The following ZDHHC11B variants were observed in gnomAD, a reference collection of about 807,000 sequenced individuals.
ZDHHC11B encodes the protein probable palmitoyltransferase ZDHHC11B.
In ZDHHC11B, 17 loss-of-function variants were observed where a neutral mutation model predicts 42.3. That is an observed-to-expected ratio of 0.40 (90% CI 0.27 to 0.60). The LOEUF (loss-of-function observed/expected upper bound fraction) is 0.60. Among genes scored for constraint, ZDHHC11B ranks in the 20% least tolerant of loss-of-function variants. The pLI is 0.41. For synonymous variants in ZDHHC11B, 123 were observed against 193.5 expected (o/e 0.64, Z 3.02); for missense variants, 262 against 463.2 (o/e 0.57, Z 3.99).
intron 7 of ZDHHC11B, 99 bp downstream of exon 7, chr5:751,034 C>G: frequency 6.1e-6 from 5 of 824,320 alleles, no homozygotes; most frequent in Admixed American, 4.6e-5. Flanking sequence ...CCGGCCTCTC[C>G]CTGGGACAAG....
In ZDHHC11B at chr5:763,973, T is replaced by C. The variant is rs145074722; in HGVS notation, c.222+2725A>G. ...CACCTGCGGGTCCGCTTGACTGTAC[T>C]CTCTACCTCTATAAACTGAAAGACG... is the stretch of plus-strand genomic sequence containing the variant. On this transcript the variant is annotated intron_variant, in intron 4 of 13. Transcript: ENST00000508859. Among the ~76,000 whole-genome samples, 1,020 of 151,832 alleles carry C rather than the reference T, an allele frequency of 6.7e-3. 25 individuals carry two copies. The highest frequency in any genetic ancestry group is 0.028 in the Middle Eastern group (8 of 290).
rs1173978718 is a variant in ZDHHC11B, at chr5:710,659, C to G, written c.*1631G>C. 3 of 153,946 alleles carry G rather than the reference C, an allele frequency of 1.9e-5. No homozygotes were observed. Among genetic ancestry groups the G allele is most frequent in the Admixed American group, 1.3e-4 (2 of 15,000 alleles). 9.5% of individuals were successfully genotyped at this position (153,946 alleles called of 1,614,324 possible). On this transcript the variant is annotated 3_prime_UTR_variant, in exon 14 of 14. Transcript: ENST00000508859. ...AGTACTGTGCTCCCATTTCTCAGTA[C>G]TGTGCTCCCATTTCCCAGCACTATG...
At chr5:772,420 G>A (rs1218109949) in intron 1 of ZDHHC11B, among the ~76,000 whole-genome samples, 27 of 151,466 alleles carry the variant, frequency 1.8e-4, no homozygotes, top group East Asian at 7.8e-4. Context: ...GCCTTCAAAC[G>A]TTCTGAGGAA....
chr5:759,840 C>T (rs533961920), intron 4 of ZDHHC11B, among the ~76,000 whole-genome samples: 23 of 151,998 alleles, frequency 1.5e-4, no homozygotes, highest in Middle Eastern at 3.4e-3. Flanking sequence ...TTCCCAGAGC[C>T]GCCCGGGTCC....
intron 4 of ZDHHC11B, among the ~76,000 whole-genome samples, chr5:759,303 T>C (rs1320408256): frequency 6.6e-6 from 1 of 151,916 alleles, no homozygotes; most frequent in African/African-American, 2.4e-5. Context: ...CGCCCTGTTC[T>C]GCAGGCAGGA....
intron 1 of ZDHHC11B, among the ~76,000 whole-genome samples, chr5:783,524 C>A (rs1737011623): frequency 6.6e-6 from 1 of 152,260 alleles, no homozygotes; most frequent in African/African-American, 2.4e-5. Context: ...AGTCCTCTAT[C>A]GGTCCCCCAG....
chr5:746,097 C>T (rs1429897448), intron 8 of ZDHHC11B, among the ~76,000 whole-genome samples: 1 of 149,158 alleles, frequency 6.7e-6, no homozygotes, highest in African/African-American at 2.5e-5. Context: ...CTAAAAGAGC[C>T]GTCTTAACAA....
chr5:764,689 G>A (rs191788994), intron 4 of ZDHHC11B, among the ~76,000 whole-genome samples: 315 of 151,720 alleles, frequency 2.1e-3, no homozygotes, highest in African/African-American at 6.8e-3. Flanking sequence ...AGTGAGCACC[G>A]TCCCCTGCTC....
Position 766,661 on chromosome 5 carries a change from C to A in ZDHHC11B, c.222+37G>T, listed in dbSNP as rs767512198. 1.4e-5 allele frequency: 22 copies of A among 1,567,262 alleles called. 1 individual carries two copies. Among genetic ancestry groups the A allele is most frequent in the South Asian group, 5.8e-5 (5 of 86,352 alleles). On this transcript the variant is annotated intron_variant, in intron 4 of 13. Transcript: ENST00000508859. ...GTCCATCGCAGGGTCCTCCAGGAAC[C>A]CCTCCCGCTTAGACCATGCCACGAT...
chr5:765,846 G>C (rs562518564), intron 4 of ZDHHC11B, among the ~76,000 whole-genome samples: 1 of 151,898 alleles, frequency 6.6e-6, no homozygotes, highest in Non-Finnish European at 1.5e-5. Context: ...CACTCACCGC[G>C]AGGGTCTGCG....
chr5:773,072 C>T (rs1286349533), intron 1 of ZDHHC11B, among the ~76,000 whole-genome samples: 1 of 151,928 alleles, frequency 6.6e-6, no homozygotes, highest in African/African-American at 2.4e-5. Context: ...GGGAGATGCA[C>T]TGTCTGGATC....
At chr5:760,282 G>A (rs1411768369) in intron 4 of ZDHHC11B, among the ~76,000 whole-genome samples, 1 of 151,792 alleles carries the variant, frequency 6.6e-6, no homozygotes, top group African/African-American at 2.4e-5. Context: ...TTGGAAATAG[G>A]GTCTTTGCAG....
In ZDHHC11B at chr5:710,687, C is replaced by CCCATTTCCCAGGACTGTGAGCTT. The variant is rs1561104350; in HGVS notation, c.*1580_*1602dup. 2 of 154,832 alleles carry CCCATTTCCCAGGACTGTGAGCTT rather than the reference C, an allele frequency of 1.3e-5. No individual in the cohort carries two copies. Among genetic ancestry groups the CCCATTTCCCAGGACTGTGAGCTT allele is most frequent in the African/African-American group, 4.9e-5 (2 of 41,146 alleles). The allele number at this position is 154,832 out of a possible 1,614,324, so 9.6% of individuals were successfully genotyped here. On this transcript the variant is annotated 3_prime_UTR_variant, in exon 14 of 14. Coordinates refer to ENST00000508859, the MANE Select transcript of ZDHHC11B (RefSeq NM_001351303.2). ...TGCTCCCATTTCCCAGCACTATGCT[C>CCCATTTCCCAGGACTGTGAGCTT]CCATTTCCCAGGACTGTGAGCTTCC...
At chr5:760,672 G>A (rs1222562731) in intron 4 of ZDHHC11B, among the ~76,000 whole-genome samples, 1 of 151,884 alleles carries the variant, frequency 6.6e-6, no homozygotes, top group Non-Finnish European at 1.5e-5. Flanking sequence ...CATGCACTGG[G>A]CCCTGCGGTG....
chr5:746,848 T>C (rs1744901530), intron 8 of ZDHHC11B, among the ~76,000 whole-genome samples: 1 of 141,370 alleles, frequency 7.1e-6, no homozygotes, highest in African/African-American at 2.5e-5. Flanking sequence ...AGTGCAGACT[T>C]TGTATTACTG....
chr5:731,533 C>G (rs1434651618), intron 11 of ZDHHC11B, among the ~76,000 whole-genome samples: 4 of 151,058 alleles, frequency 2.6e-5, no homozygotes, highest in Admixed American at 2.6e-4. Flanking sequence ...TGGTGAAGAA[C>G]GTGTTCAATC....
Position 728,329 on chromosome 5 carries a change from T to C in ZDHHC11B, c.1058+2105A>G, listed in dbSNP as rs1457485061. On this transcript the variant is annotated intron_variant, in intron 12 of 13. Coordinates refer to ENST00000508859, the MANE Select transcript of ZDHHC11B (RefSeq NM_001351303.2). ...TGGTAAAGTAAGCAAAAAGAAACTA[T>C]GAGGATTTAAAATGCAAATGCCCTT... Among the ~76,000 whole-genome samples, 20 of 151,968 alleles carry C rather than the reference T, an allele frequency of 1.3e-4. 1 individual carries two copies. The highest frequency in any genetic ancestry group is 4.8e-4 in the African/African-American group (20 of 41,286).
intron 4 of ZDHHC11B, among the ~76,000 whole-genome samples, chr5:766,384 G>A (rs1180164346): frequency 2.2e-4 from 33 of 151,936 alleles, no homozygotes; most frequent in African/African-American, 5.8e-4. Flanking sequence ...TGGGGTCAGC[G>A]GCTGCCCTGT....
At chr5:752,675 G>C (rs1745931167) in intron 6 of ZDHHC11B, among the ~76,000 whole-genome samples, 1 of 97,612 alleles carries the variant, frequency 1.0e-5, no homozygotes, top group African/African-American at 2.9e-5. Flanking sequence ...GAGTCTTCTG[G>C]ATAATCCAGG....
Sources: gnomAD v4.1 joint callset for allele counts (sites outside exome capture counted in the v4.1 genomes callset) on GRCh38, gnomAD v4.1.1 for gene constraint, MANE v1.5 for transcripts, NCBI Gene and HGNC (gene_info 2026-07-23, HGNC 2026-07-21) for gene names.